Variants in AP2A1 observed in about 807,000 individuals in gnomAD.
AP2A1 encodes AP-2 complex subunit alpha-1.
Under a neutral mutation model 107.3 loss-of-function variants are expected in AP2A1, and 21 were observed. The ratio of observed to expected loss-of-function variants is 0.20; its 90% confidence interval spans 0.14 to 0.28. The LOEUF is 0.28. Ranked by LOEUF, AP2A1 falls within the 10% of genes least tolerant of loss-of-function variation. The probability of loss-of-function intolerance (pLI) is 1.00; values close to 1 mark genes in which losing one functional copy is unlikely to be tolerated. For synonymous variants in AP2A1, 602 were observed against 564.8 expected (o/e 1.07, Z -0.93); for missense variants, 873 against 1,307.7 (o/e 0.67, Z 5.13).
Position 49,801,078 on chromosome 19 carries a change from CA to C in AP2A1, c.1553+21del. 2.5e-6 allele frequency: 4 copies of C among 1,581,382 alleles called. No homozygotes were observed. The highest frequency in any genetic ancestry group is 1.1e-5 in the South Asian group (1 of 87,034). ...CTCCAGGTGAGGGAGCCTCAGCCTG[CA>C]GGGGAGAACACACATGCTTCTGAGG... On this transcript the variant is annotated intron_variant, in intron 12 of 22. Transcript: ENST00000354293.
intron 6 of AP2A1, among the ~76,000 whole-genome samples, chr19:49,793,687 A>G (rs539976003): frequency 2.6e-5 from 4 of 152,054 alleles, no homozygotes; most frequent in African/African-American, 9.7e-5. Context: ...AGATTGTCAG[A>G]AAAGGGGTGA....
At chr19:49,803,077 C>G in intron 16 of AP2A1, 30 bp from the exon 17 acceptor site, 1 of 1,613,672 alleles carries the variant, frequency 6.2e-7, no homozygotes, top group Non-Finnish European at 8.5e-7. Flanking sequence ...GACAGGCACC[C>G]CCGTCATCTT....
rs189652559 is a variant in AP2A1, at chr19:49,777,614, G to A, written c.68-4143G>A. Among the ~76,000 whole-genome samples, 709 of 137,404 alleles carry A rather than the reference G, an allele frequency of 5.2e-3. 14 individuals are homozygous for A. Among genetic ancestry groups the A allele is most frequent in the Middle Eastern group, 0.034 (7 of 206 alleles). The allele number at this position is 137,404 out of a possible 152,430, so 90.1% of individuals were successfully genotyped here. On this transcript the variant is annotated intron_variant, in intron 1 of 22. Coordinates refer to ENST00000354293, the MANE Select transcript of AP2A1 (RefSeq NM_130787.3). ...GGTGCCACTGCACTCCATCCTGGGC[G>A]ACAAAGCGAGACTCCATCACAAAAA... is the stretch of plus-strand genomic sequence containing the variant.
chr19:49,792,854 A>C, intron 5 of AP2A1, 137 bp from the exon 6 acceptor site: 1 of 751,670 alleles, frequency 1.3e-6, no homozygotes. Flanking sequence ...TAAAGCACGC[A>C]CAGTGACACA....
rs560625838 is a variant in AP2A1, at chr19:49,786,901, G to A, written c.473+4177G>A. 3.9e-5 allele frequency among the ~76,000 whole-genome samples: 6 copies of A among 152,328 alleles called. No homozygotes were observed. In the South Asian group the frequency reaches 1.2e-3, roughly 32 times the overall value. On this transcript the variant is annotated intron_variant, in intron 4 of 22. Transcript: ENST00000354293. ...GGTGGTGCTCTGCCAGGGTCAAGGGGCCAGGGTGGGGCTGTCTGGCTCTAG... is the reference window on the plus strand; with the variant it reads ...GGTGGTGCTCTGCCAGGGTCAAGGGACCAGGGTGGGGCTGTCTGGCTCTAG...
chr19:49,798,878 C>A lies in AP2A1; in HGVS notation c.891C>A (p.Ser297=). 1.9e-6 allele frequency: 3 copies of A among 1,586,182 alleles called. No homozygotes were observed. Among genetic ancestry groups the A allele is most frequent in the Non-Finnish European group, 2.6e-6 (3 of 1,166,388 alleles). The change falls in exon 8 of 23, where the codon TCC becomes TCA. Residue 297 remains serine (S), a synonymous_variant. Transcript: ENST00000354293. ...VLNKAQEPPK[S]KKVQHSNAKN... ...ACAAGGCCCAGGAGCCCCCCAAATC[C>A]AAGAAGGTGCAGCATTCCAACGCCA...
chr19:49,802,304 C>T lies in AP2A1; in HGVS notation c.2114+163C>T, dbSNP rs57415576. 1.6e-3 allele frequency: 1,304 copies of T among 828,284 alleles called. 16 individuals are homozygous for T. In the African/African-American group the frequency reaches 0.019, roughly 12 times the overall value. The allele number at this position is 828,284 out of a possible 1,614,324, so 51.3% of individuals were successfully genotyped here. ...CTGGCTGCTGCCTCCCCTGCCCCAGCCTCCCTGCTCACGCCCTCCCTCTGC... is the reference window on the plus strand; with the variant it reads ...CTGGCTGCTGCCTCCCCTGCCCCAGTCTCCCTGCTCACGCCCTCCCTCTGC... On this transcript the variant is annotated intron_variant, in intron 15 of 22. Coordinates refer to ENST00000354293, the MANE Select transcript of AP2A1 (RefSeq NM_130787.3).
At chr19:49,795,602 C>CCCCCAG in intron 6 of AP2A1, 28 bp from the exon 7 acceptor site, 1 of 1,236,850 alleles carries the variant, frequency 8.1e-7, no homozygotes, top group African/African-American at 1.5e-5. Context: ...CCCCAGCCCC[C>CCCCCAG]AACTTATTTC....
In AP2A1 at chr19:49,767,090, C is replaced by G. The variant is rs564797640; in HGVS notation, c.-44C>G. The G allele has an allele frequency of 6.2e-7, 1 of 1,604,764 alleles. No individual in the cohort carries two copies. Among genetic ancestry groups the G allele is most frequent in the South Asian group, 1.1e-5 (1 of 90,436 alleles). ...TCCCCGCTTGCCAGCCCCCGCTGCT[C>G]TGTGCCCTGTCCGGCCAGGCCTGGA... On this transcript the variant is annotated 5_prime_UTR_variant, in exon 1 of 23. Transcript: ENST00000354293.
At chr19:49,796,247 C>T (rs2073212363) in intron 7 of AP2A1, 1 of 154,670 alleles carries the variant, frequency 6.5e-6, no homozygotes, top group Non-Finnish European at 1.4e-5. Flanking sequence ...CTGCACCTGC[C>T]GAACAGAGCT....
intron 6 of AP2A1, among the ~76,000 whole-genome samples, chr19:49,794,049 T>C (rs1294636291): frequency 2.6e-5 from 4 of 151,202 alleles, no homozygotes; most frequent in Non-Finnish European, 5.9e-5. Flanking sequence ...TACAGGCGCC[T>C]GCCACTATGC....
At chr19:49,801,110 A>G (rs1453438739) in intron 12 of AP2A1, 52 bp downstream of exon 12, 7 of 1,503,574 alleles carry the variant, frequency 4.7e-6, no homozygotes, top group Non-Finnish European at 6.3e-6. Flanking sequence ...TGAGGGGTCC[A>G]GGGCTTGGGG....
chr19:49,797,769 A>T (rs1210505784), intron 7 of AP2A1, among the ~76,000 whole-genome samples: 2 of 152,118 alleles, frequency 1.3e-5, no homozygotes, highest in Non-Finnish European at 2.9e-5. Context: ...ATATCACAGT[A>T]CAATCTAGGA....
chr19:49,767,038 G>C lies in AP2A1; in HGVS notation c.-96G>C. 9.0e-6 allele frequency: 12 copies of C among 1,332,812 alleles called. No individual in the cohort carries two copies. The highest frequency in any genetic ancestry group is 1.2e-5 in the Non-Finnish European group (12 of 1,009,058). The allele number at this position is 1,332,812 out of a possible 1,614,324, so 82.6% of individuals were successfully genotyped here. ...TCCCCGCGGCCGGCTCGGCTCCTTGGCGCTGCCTGGGGTCCTTTCCGCCCG... is the reference window on the plus strand; with the variant it reads ...TCCCCGCGGCCGGCTCGGCTCCTTGCCGCTGCCTGGGGTCCTTTCCGCCCG... On this transcript the variant is annotated 5_prime_UTR_variant, in exon 1 of 23. Coordinates refer to ENST00000354293, the MANE Select transcript of AP2A1 (RefSeq NM_130787.3).
intron 12 of AP2A1, 21 bp downstream of exon 12, chr19:49,801,079 A>G (rs1003424): frequency 0.46 from 723,796 of 1,579,970 alleles, 168,140 homozygotes; most frequent in Middle Eastern, 0.58. Context: ...CTCAGCCTGC[A>G]GGGGAGAACA....
intron 1 of AP2A1, among the ~76,000 whole-genome samples, chr19:49,777,524 A>G (rs1283824273): frequency 6.7e-6 from 1 of 149,894 alleles, no homozygotes; most frequent in Non-Finnish European, 1.5e-5. Flanking sequence ...AGCCCCAGCT[A>G]CTTGGGAGGC....
At chr19:49,796,186 G>T in intron 7 of AP2A1, 1 of 177,482 alleles carries the variant, frequency 5.6e-6, no homozygotes, top group Non-Finnish European at 1.2e-5. Flanking sequence ...AGTCACAATA[G>T]CCAGTGTGTA....
chr19:49,781,279 C>T (rs546413381), intron 1 of AP2A1, among the ~76,000 whole-genome samples: 3 of 152,170 alleles, frequency 2.0e-5, no homozygotes, highest in East Asian at 3.9e-4. Context: ...GAGGACAGCA[C>T]CCAAGGGTCT....
intron 1 of AP2A1, among the ~76,000 whole-genome samples, chr19:49,777,417 C>T (rs1342765651): frequency 2.1e-5 from 3 of 143,524 alleles, no homozygotes; most frequent in African/African-American, 5.2e-5. Context: ...GGGCGGATCA[C>T]CAGGTCAGGA....
Sources: allele counts gnomAD v4.1 joint callset (sites outside exome capture counted in the v4.1 genomes callset), GRCh38; gene constraint gnomAD v4.1.1; transcripts MANE v1.5; gene names NCBI Gene and HGNC (gene_info 2026-07-23, HGNC 2026-07-21).